SLC30A9: variants seen among roughly 807,000 people sequenced by gnomAD.
SLC30A9 encodes solute carrier family 30 member 9, also known as proton-coupled zinc antiporter SLC30A9, mitochondrial.
Under a neutral mutation model 87.5 loss-of-function variants are expected in SLC30A9, and 58 were observed. That is an observed-to-expected ratio of 0.66 (90% confidence interval 0.54 to 0.82). The LOEUF (loss-of-function observed/expected upper bound fraction) is 0.82, where lower values mean the gene tolerates loss of function less well. SLC30A9 is among the 40% of genes least tolerant of loss of function. SLC30A9 has a pLI of 0.00. For missense variants in SLC30A9, 557 were observed against 679.1 expected, an observed-to-expected ratio of 0.82 and a Z score of 2.00; for synonymous variants, 234 against 233.0, an observed-to-expected ratio of 1.00 and a Z score of -0.04.
chr4:42,013,386 AC>A (rs1391352828), intron 2 of SLC30A9, among the ~76,000 whole-genome samples: 2 of 151,944 alleles, frequency 1.3e-5, no homozygotes, highest in Non-Finnish European at 2.9e-5. Flanking sequence ...ACTGCAAATC[AC>A]CCCCTACCCA....
chr4:42,075,972 C>T (rs1452509385), intron 16 of SLC30A9, among the ~76,000 whole-genome samples, 186 bp downstream of exon 16: 2 of 152,082 alleles, frequency 1.3e-5, no homozygotes, highest in African/African-American at 4.8e-5. Context: ...AAAGAACAAA[C>T]TTACTATTTC....
At chr4:41,999,665 A>T (rs1328038065) in intron 1 of SLC30A9, among the ~76,000 whole-genome samples, 4 of 152,108 alleles carry the variant, frequency 2.6e-5, no homozygotes, top group Non-Finnish European at 4.4e-5. Context: ...TGGCTTTTTC[A>T]ACATAAAAAT....
At chr4:42,053,291 A>G (rs1717458236) in intron 9 of SLC30A9, among the ~76,000 whole-genome samples, 1 of 152,146 alleles carries the variant, frequency 6.6e-6, no homozygotes, top group Non-Finnish European at 1.5e-5. Flanking sequence ...CACTCTGGAA[A>G]ATATTTGGCA....
At chr4:42,057,661 T>C (rs1717676042) in intron 9 of SLC30A9, among the ~76,000 whole-genome samples, 1 of 152,128 alleles carries the variant, frequency 6.6e-6, no homozygotes, top group South Asian at 2.1e-4. Context: ...ATTTTCCCCC[T>C]TTTCTTGGTG....
chr4:42,015,378 C>T (rs911073338), intron 2 of SLC30A9, among the ~76,000 whole-genome samples: 12 of 151,302 alleles, frequency 7.9e-5, no homozygotes, highest in African/African-American at 2.7e-4. Context: ...GCAGGAAAAG[C>T]GAAATAAAAA....
At chr4:42,006,502 C>T (rs1481956506) in intron 2 of SLC30A9, among the ~76,000 whole-genome samples, 1 of 151,992 alleles carries the variant, frequency 6.6e-6, no homozygotes, top group Admixed American at 6.6e-5. Flanking sequence ...GCCTGAGCAA[C>T]GTGGTGAAAC....
chr4:42,041,705 C>T (rs1716929148), intron 8 of SLC30A9, among the ~76,000 whole-genome samples: 1 of 152,134 alleles, frequency 6.6e-6, no homozygotes, highest in Admixed American at 6.5e-5. Flanking sequence ...CACTGCACTC[C>T]AACGTGGGCA....
chr4:42,048,713 A>G (rs1371636433), intron 8 of SLC30A9, among the ~76,000 whole-genome samples: 10 of 152,188 alleles, frequency 6.6e-5, no homozygotes, highest in Non-Finnish European at 1.5e-4. Context: ...CACTGGCCCA[A>G]TGGACAGTAT....
chr4:42,009,555 G>C (rs1715354533), intron 2 of SLC30A9, among the ~76,000 whole-genome samples: 1 of 152,224 alleles, frequency 6.6e-6, no homozygotes. Flanking sequence ...GATATTCATG[G>C]ATAGAATGTT....
chr4:42,014,901 G>T (rs1294362197), intron 2 of SLC30A9, among the ~76,000 whole-genome samples: 1 of 152,136 alleles, frequency 6.6e-6, no homozygotes, highest in Non-Finnish European at 1.5e-5. Context: ...GTTACTAGGG[G>T]CTGGGAAGAA....
intron 4 of SLC30A9, among the ~76,000 whole-genome samples, chr4:42,021,917 ATTTTTTTTTTT>A (rs1180421350): frequency 0.021 from 831 of 39,604 alleles, 70 homozygotes; most frequent in East Asian, 0.042. Context: ...CGCCTGGCTA[ATTTTTTTTTTT>A]TTTTTTTTTT....
chr4:42,045,355 C>A (rs1243733287), intron 8 of SLC30A9, among the ~76,000 whole-genome samples: 1 of 151,716 alleles, frequency 6.6e-6, no homozygotes, highest in Admixed American at 6.6e-5. Context: ...ATCAAATAGA[C>A]AACAATGAAA....
intron 6 of SLC30A9, chr4:42,029,753 C>G (rs1716344487): frequency 1.4e-6 from 1 of 727,828 alleles, no homozygotes; most frequent in Middle Eastern, 2.4e-4. Flanking sequence ...TTATAAAGCT[C>G]AAGTGAGTTC....
At chr4:42,029,641 T>C (rs1365480112) in intron 6 of SLC30A9, 9 of 617,272 alleles carry the variant, frequency 1.5e-5, no homozygotes, top group Non-Finnish European at 2.5e-5. Flanking sequence ...TAATCAAGAA[T>C]GAGGTGAGCG....
chr4:42,045,125 G>A lies in SLC30A9; in HGVS notation c.738-4252G>A, dbSNP rs1029856851. 4.6e-5 allele frequency among the ~76,000 whole-genome samples: 7 copies of A among 152,190 alleles called. No homozygotes were observed. In the South Asian group the frequency reaches 8.3e-4, roughly 18 times the overall value. On this transcript the variant is annotated intron_variant, in intron 8 of 17. Transcript: ENST00000264451. ...GAGAAAGTCGGAAAGATCTAAAATC[G>A]ATACCCTAACATCACAATGAAAAGA...
intron 17 of SLC30A9, among the ~76,000 whole-genome samples, chr4:42,081,627 T>G (rs901670944): frequency 6.6e-6 from 1 of 152,226 alleles, no homozygotes; most frequent in Non-Finnish European, 1.5e-5. Context: ...AACTTTGCTC[T>G]TTATTCTACT....
chr4:42,065,485 T>G (rs1218180186), intron 12 of SLC30A9, 136 bp downstream of exon 12: 8 of 624,738 alleles, frequency 1.3e-5, no homozygotes, highest in Non-Finnish European at 2.3e-5. Flanking sequence ...TTCTCTACTT[T>G]TAGGGAGTAA....
In SLC30A9 at chr4:42,026,489, G is replaced by A. The variant is rs558737283; in HGVS notation, c.610+3105G>A. Among the ~76,000 whole-genome samples, 27 of 152,268 alleles carry A rather than the reference G, an allele frequency of 1.8e-4. No individual in the cohort carries two copies. In the South Asian group the frequency reaches 5.6e-3, roughly 32 times the overall value. On this transcript the variant is annotated intron_variant, in intron 6 of 17. Coordinates refer to ENST00000264451, the MANE Select transcript of SLC30A9 (RefSeq NM_006345.4). Reference sequence around the variant, plus strand: ...AATCAGGCTGACTTTATTGTTATCTGTTAAACGACTAACAGATTTTATTAA... The same window carrying A: ...AATCAGGCTGACTTTATTGTTATCTATTAAACGACTAACAGATTTTATTAA...
At chr4:41,991,323 T>C (rs1404791310) in intron 1 of SLC30A9, among the ~76,000 whole-genome samples, 1 of 152,208 alleles carries the variant, frequency 6.6e-6, no homozygotes, top group Non-Finnish European at 1.5e-5. Flanking sequence ...ACAAAGAAAC[T>C]CTTCAGTTCG....
Sources: gnomAD v4.1 joint callset for allele counts (sites outside exome capture counted in the v4.1 genomes callset) on GRCh38, gnomAD v4.1.1 for gene constraint, MANE v1.5 for transcripts, NCBI Gene and HGNC (gene_info 2026-07-23, HGNC 2026-07-21) for gene names.